RGS7BP: variants seen among roughly 807,000 people sequenced by gnomAD.
RGS7BP encodes the protein regulator of G protein signaling 7-binding protein.
In RGS7BP, 9 loss-of-function variants were observed where a neutral mutation model predicts 31.3. The observed-to-expected ratio is 0.29, with a 90% CI of 0.17 to 0.50. The LOEUF (loss-of-function observed/expected upper bound fraction) is 0.50. Ranked by LOEUF, RGS7BP falls within the 20% of genes least tolerant of loss-of-function variation. The probability of loss-of-function intolerance (pLI) is 0.98; values close to 1 mark genes in which losing one functional copy is unlikely to be tolerated. For missense variants in RGS7BP, 274 were observed against 322.0 expected, an observed-to-expected ratio of 0.85 and a Z score of 1.14; for synonymous variants, 115 against 120.1, an observed-to-expected ratio of 0.96 and a Z score of 0.28.
At chr5:64,590,981 A>G (rs901246493) in intron 3 of RGS7BP, among the ~76,000 whole-genome samples, 4 of 152,134 alleles carry the variant, frequency 2.6e-5, no homozygotes, top group Non-Finnish European at 4.4e-5. Flanking sequence ...ATAGAACTGA[A>G]CATTTCAAAA....
intron 3 of RGS7BP, among the ~76,000 whole-genome samples, chr5:64,590,515 G>A (rs1212537988): frequency 1.3e-5 from 2 of 152,050 alleles, no homozygotes; most frequent in African/African-American, 4.8e-5. Context: ...TGTTTTCTAG[G>A]ACGAATGAAT....
At chr5:64,579,994 C>T (rs3843450) in intron 3 of RGS7BP, among the ~76,000 whole-genome samples, 128,692 of 152,180 alleles carry the variant, frequency 0.85, 54,771 homozygotes, top group African/African-American at 0.91. Context: ...CATTGGAAAC[C>T]GTAGAGCAAC....
At chr5:64,564,223 C>T (rs1300130868) in intron 2 of RGS7BP, among the ~76,000 whole-genome samples, 2 of 152,158 alleles carry the variant, frequency 1.3e-5, no homozygotes, top group African/African-American at 4.8e-5. Context: ...TGTTCTGCCT[C>T]ACTCTGCCCA....
intron 5 of RGS7BP, among the ~76,000 whole-genome samples, chr5:64,604,177 T>C (rs1743294584): frequency 6.6e-6 from 1 of 152,132 alleles, no homozygotes; most frequent in East Asian, 1.9e-4. Context: ...CACTTCTCTT[T>C]ATTCACACTG....
chr5:64,553,811 A>G (rs183813827), intron 2 of RGS7BP, among the ~76,000 whole-genome samples: 9 of 152,298 alleles, frequency 5.9e-5, no homozygotes, highest in African/African-American at 1.4e-4. Context: ...AAGTTGTACA[A>G]TGTATACAAA....
intron 4 of RGS7BP, among the ~76,000 whole-genome samples, chr5:64,597,459 A>G (rs760953771): frequency 1.4e-4 from 21 of 151,706 alleles, no homozygotes; most frequent in African/African-American, 4.8e-4. Flanking sequence ...TGTTTCATCC[A>G]TTGTAAGGAG....
At position 64,528,253 on chromosome 5, in the gene RGS7BP, A is replaced by C. The variant is rs148172742; in HGVS notation, c.332+20376A>C. 9.6e-4 allele frequency among the ~76,000 whole-genome samples: 146 copies of C among 152,308 alleles called. 2 individuals are homozygous for C. Among genetic ancestry groups the C allele is most frequent in the African/African-American group, 2.9e-3 (119 of 41,564 alleles). On this transcript the variant is annotated intron_variant, in intron 2 of 5. Coordinates refer to ENST00000334025, the MANE Select transcript of RGS7BP (RefSeq NM_001029875.3). ...GAGAGAATAATGAGAGAGGAAGCAG[A>C]AGTGAGAAAGTCAGGAGGCCAGGGA...
At chr5:64,554,633 G>A (rs1285280889) in intron 2 of RGS7BP, among the ~76,000 whole-genome samples, 1 of 152,136 alleles carries the variant, frequency 6.6e-6, no homozygotes, top group African/African-American at 2.4e-5. Context: ...GATAAAGTCT[G>A]CTGAATATGA....
At chr5:64,588,814 A>T (rs56069028) in intron 3 of RGS7BP, among the ~76,000 whole-genome samples, 5,281 of 144,422 alleles carry the variant, frequency 0.037, 277 homozygotes, top group African/African-American at 0.14. Context: ...GAGAGTACTT[A>T]AAAAAATGTG....
chr5:64,551,842 A>G (rs1017495288), intron 2 of RGS7BP, among the ~76,000 whole-genome samples: 14 of 152,288 alleles, frequency 9.2e-5, no homozygotes, highest in African/African-American at 3.4e-4. Context: ...TTTAAATTTT[A>G]AGATCACTTT....
chr5:64,595,163 G>C (rs1478503266), intron 4 of RGS7BP, among the ~76,000 whole-genome samples: 2 of 152,210 alleles, frequency 1.3e-5, no homozygotes, highest in Non-Finnish European at 2.9e-5. Flanking sequence ...AATGAGAACA[G>C]TGTGCTGCCT....
chr5:64,607,701 T>A (rs1204732542), intron 5 of RGS7BP, among the ~76,000 whole-genome samples: 2 of 152,000 alleles, frequency 1.3e-5, no homozygotes, highest in Non-Finnish European at 2.9e-5. Flanking sequence ...TTTATCAGTC[T>A]TAAGGTCTCT....
chr5:64,589,575 C>A (rs1454430983), intron 3 of RGS7BP, among the ~76,000 whole-genome samples: 1 of 151,962 alleles, frequency 6.6e-6, no homozygotes, highest in Non-Finnish European at 1.5e-5. Context: ...ACTCTTCATT[C>A]AAAAATATTC....
At chr5:64,518,847 G>A (rs1369678444) in intron 2 of RGS7BP, among the ~76,000 whole-genome samples, 1 of 152,060 alleles carries the variant, frequency 6.6e-6, no homozygotes, top group Non-Finnish European at 1.5e-5. Flanking sequence ...TGATGTTGCA[G>A]CTCCAGAAAT....
chr5:64,538,541 C>CT (rs761503099), intron 2 of RGS7BP, among the ~76,000 whole-genome samples: 341 of 37,608 alleles, frequency 9.1e-3, no homozygotes, highest in Non-Finnish European at 0.011. Flanking sequence ...TTTTTTTTTC[C>CT]TTTTCTTTTT....
At chr5:64,606,087 C>T (rs1180103543) in intron 5 of RGS7BP, among the ~76,000 whole-genome samples, 2 of 148,840 alleles carry the variant, frequency 1.3e-5, no homozygotes, top group Non-Finnish European at 3.0e-5. Flanking sequence ...ATTTCAATAG[C>T]TCAAAAGGCT....
At chr5:64,519,408 A>T (rs185075850) in intron 2 of RGS7BP, among the ~76,000 whole-genome samples, 177 of 152,368 alleles carry the variant, frequency 1.2e-3, no homozygotes, top group African/African-American at 4.1e-3. Context: ...CATTAAACAA[A>T]TCATTGCAGA....
intron 2 of RGS7BP, among the ~76,000 whole-genome samples, chr5:64,551,485 A>T (rs886216586): frequency 2.7e-5 from 4 of 150,904 alleles, no homozygotes; most frequent in Admixed American, 6.6e-5. Context: ...CTGGTCTCAA[A>T]CTCCTAACCT....
chr5:64,587,900 C>T (rs1742800972), intron 3 of RGS7BP, among the ~76,000 whole-genome samples: 1 of 152,134 alleles, frequency 6.6e-6, no homozygotes, highest in Non-Finnish European at 1.5e-5. Context: ...TCTCCATCAT[C>T]ATCAGAAGGA....
Sources: allele counts gnomAD v4.1 joint callset (sites outside exome capture counted in the v4.1 genomes callset), GRCh38; gene constraint gnomAD v4.1.1; transcripts MANE v1.5; gene names NCBI Gene and HGNC (gene_info 2026-07-23, HGNC 2026-07-21).